METRNL: variants seen among roughly 807,000 people sequenced by gnomAD.
METRNL encodes the protein meteorin like, glial cell differentiation regulator, also known as meteorin-like protein.
METRNL carries 9 observed loss-of-function variants against 17.4 expected under a neutral mutation model. The ratio of observed to expected loss-of-function variants is 0.52; its 90% CI spans 0.31 to 0.90. The LOEUF is 0.90. Ranked by LOEUF, METRNL falls within the 40% of genes least tolerant of loss-of-function variation. The pLI, the probability that METRNL is intolerant of heterozygous loss-of-function variation, is 0.05. For missense variants in METRNL, 408 were observed against 430.7 expected (o/e 0.95, Z 0.47); for synonymous variants, 215 against 199.3 (o/e 1.08, Z -0.66).
chr17:83,084,624 C>G, intron 1 of METRNL: 2 of 405,528 alleles, frequency 4.9e-6, no homozygotes, highest in Non-Finnish European at 8.8e-6. Context: ...GGCGCAGACT[C>G]TTGAGTGTTG....
At chr17:83,081,625 C>T (rs2037989769) in intron 1 of METRNL, among the ~76,000 whole-genome samples, 3 of 152,072 alleles carry the variant, frequency 2.0e-5, no homozygotes, top group African/African-American at 7.2e-5. Flanking sequence ...TCTTCGCCAT[C>T]GTTGCCAGTC....
intron 2 of METRNL, among the ~76,000 whole-genome samples, chr17:83,091,279 C>T (rs1190853423): frequency 6.6e-6 from 1 of 152,068 alleles, no homozygotes; most frequent in African/African-American, 2.4e-5. Context: ...GTTTCTTTTT[C>T]CTGATACCTT....
intron 2 of METRNL, among the ~76,000 whole-genome samples, chr17:83,091,920 T>C (rs2038142113): frequency 2.0e-5 from 3 of 152,196 alleles, no homozygotes; most frequent in Non-Finnish European, 4.4e-5. Context: ...TAAAACCATG[T>C]TTTCCAAGTC....
intron 2 of METRNL, among the ~76,000 whole-genome samples, chr17:83,092,117 G>A (rs773885543): frequency 6.6e-5 from 10 of 152,200 alleles, no homozygotes; most frequent in South Asian, 2.1e-4. Context: ...TTCTCTGGGG[G>A]AGGCCAGGCC....
chr17:83,086,863 A>G (rs1376124025), intron 2 of METRNL, among the ~76,000 whole-genome samples: 1 of 151,914 alleles, frequency 6.6e-6, no homozygotes, highest in Admixed American at 6.6e-5. Context: ...GGCGACCCTT[A>G]CGGAGCCTGT....
chr17:83,081,767 G>A (rs2037992096), intron 1 of METRNL, among the ~76,000 whole-genome samples: 2 of 152,212 alleles, frequency 1.3e-5, no homozygotes, highest in African/African-American at 4.8e-5. Flanking sequence ...TGATCTGGAG[G>A]GGACACGGGG....
chr17:83,082,094 C>T (rs1158795892), intron 1 of METRNL: 5 of 985,292 alleles, frequency 5.1e-6, no homozygotes, highest in Non-Finnish European at 6.0e-6. Context: ...ATGATGAAAC[C>T]TCCCTTCCGT....
At chr17:83,087,294 G>C (rs1327464791) in intron 2 of METRNL, among the ~76,000 whole-genome samples, 1 of 151,890 alleles carries the variant, frequency 6.6e-6, no homozygotes, top group Non-Finnish European at 1.5e-5. Context: ...GTGCCCTGTG[G>C]GTGGTGGGTT....
At chr17:83,093,822 G>T (rs953486277) in intron 3 of METRNL, among the ~76,000 whole-genome samples, 1 of 152,184 alleles carries the variant, frequency 6.6e-6, no homozygotes, top group Non-Finnish European at 1.5e-5. Flanking sequence ...TCAAGGACAG[G>T]CCCCTTCTCA....
At chr17:83,083,567 G>A (rs545206141) in intron 1 of METRNL, among the ~76,000 whole-genome samples, 1 of 152,294 alleles carries the variant, frequency 6.6e-6, no homozygotes, top group South Asian at 2.1e-4. Context: ...TAATTTGTGA[G>A]TCTGTTCTGG....
chr17:83,094,293 T>C lies in METRNL; in HGVS notation c.654T>C (p.Pro218=). The change falls in exon 4 of 4, where the codon CCT becomes CCC. Residue 218 remains proline (P), a synonymous_variant. Coordinates refer to ENST00000320095, the MANE Select transcript of METRNL (RefSeq NM_001004431.3). ...RGSIQQVTHE[P]ERQDSAIHLR... Reference sequence around the variant, plus strand: ...CCATCCAGCAAGTTACCCACGAGCCTGAGCGGCAGGACTCAGCCATCCACC... The same window carrying C: ...CCATCCAGCAAGTTACCCACGAGCCCGAGCGGCAGGACTCAGCCATCCACC... 1 of 1,588,470 alleles carries C rather than the reference T, an allele frequency of 6.3e-7. No homozygotes were observed.
chr17:83,093,483 A>AGATCACTGCTCTTC (rs2038165382), intron 3 of METRNL, among the ~76,000 whole-genome samples: 1 of 152,220 alleles, frequency 6.6e-6, no homozygotes, highest in Non-Finnish European at 1.5e-5. Context: ...TTTGTAAATG[A>AGATCACTGCTCTTC]GATCACTGCT....
rs529052437 is a variant in METRNL at position 83,082,409 on chromosome 17, C to G, written c.170+2424C>G. 5.3e-5 allele frequency among the ~76,000 whole-genome samples: 8 copies of G among 152,348 alleles called. No homozygotes were observed. In the East Asian group the frequency reaches 1.5e-3, roughly 29 times the overall value. On this transcript the variant is annotated intron_variant, in intron 1 of 3. Coordinates refer to ENST00000320095, the MANE Select transcript of METRNL (RefSeq NM_001004431.3). ...GTCCCTTTATCCACTTGGGATTTGC[C>G]CTCCTTTCCATGAAGGTGCCCCACA...
chr17:83,094,827 G>C lies in METRNL; in HGVS notation c.*252G>C, dbSNP rs1474010370. 1 of 386,696 alleles carries C rather than the reference G, an allele frequency of 2.6e-6. No individual in the cohort carries two copies. The highest frequency in any genetic ancestry group is 2.1e-5 in the African/African-American group (1 of 48,340). 24.0% of individuals were successfully genotyped at this position (386,696 alleles called of 1,614,324 possible). A position where few individuals can be genotyped will look rare whatever the true frequency, so the allele number is the denominator to read the frequency against. ...TATTATATTTTTTTTTGGTAAAAAA[G>C]AAATGTCCATAGGAAACAAATTCCC... On this transcript the variant is annotated 3_prime_UTR_variant, in exon 4 of 4. Transcript: ENST00000320095.
At chr17:83,088,036 C>T (rs1334865298) in intron 2 of METRNL, among the ~76,000 whole-genome samples, 3 of 152,182 alleles carry the variant, frequency 2.0e-5, no homozygotes, top group African/African-American at 4.8e-5. Context: ...AACTGAGACA[C>T]GCCGATGACC....
intron 2 of METRNL, among the ~76,000 whole-genome samples, chr17:83,089,914 C>T (rs374738434): frequency 1.4e-4 from 22 of 152,026 alleles, no homozygotes; most frequent in South Asian, 1.0e-3. Context: ...TGACCGTCCC[C>T]GGCCCCACAC....
At chr17:83,083,550 T>C (rs553228989) in intron 1 of METRNL, among the ~76,000 whole-genome samples, 79 of 152,320 alleles carry the variant, frequency 5.2e-4, no homozygotes, top group African/African-American at 1.9e-3. Context: ...GTGAGCTTTA[T>C]GGGCTGTAAT....
At chr17:83,085,957 G>C (rs146698259) in intron 2 of METRNL, among the ~76,000 whole-genome samples, 254 of 152,346 alleles carry the variant, frequency 1.7e-3, no homozygotes, top group Middle Eastern at 3.4e-3. Flanking sequence ...TCCCAGAGGG[G>C]TCTTGTGGGT....
chr17:83,084,786 CAG>C (rs2038030267), intron 1 of METRNL, 150 bp from the exon 2 acceptor site: 2 of 941,438 alleles, frequency 2.1e-6, no homozygotes, highest in Non-Finnish European at 3.1e-6. Context: ...GCCTCACGGG[CAG>C]GGGTCCGTGT....
Sources: gnomAD v4.1 joint callset for allele counts (sites outside exome capture counted in the v4.1 genomes callset) on GRCh38, gnomAD v4.1.1 for gene constraint, MANE v1.5 for transcripts, NCBI Gene and HGNC (gene_info 2026-07-23, HGNC 2026-07-21) for gene names.